CRIM1: variants seen among roughly 807,000 people sequenced by gnomAD.
CRIM1 encodes the protein cysteine rich transmembrane BMP regulator 1.
In CRIM1, 32 loss-of-function variants were observed where a neutral mutation model predicts 116.4. The observed-to-expected ratio is 0.27, with a 90% CI of 0.21 to 0.37. The LOEUF (loss-of-function observed/expected upper bound fraction) is 0.37, where lower values mean the gene tolerates loss of function less well. Among genes scored for constraint, CRIM1 ranks in the 10% least tolerant of loss-of-function variants. CRIM1 has a pLI of 1.00. For missense variants in CRIM1, 1,331 were observed against 1,354.8 expected, an observed-to-expected ratio of 0.98 and a Z score of 0.28; for synonymous variants, 590 against 509.2, an observed-to-expected ratio of 1.16 and a Z score of -2.13.
At chr2:36,523,676 C>T (rs1665567293) in intron 13 of CRIM1, among the ~76,000 whole-genome samples, 1 of 152,206 alleles carries the variant, frequency 6.6e-6, no homozygotes, top group South Asian at 2.1e-4. Flanking sequence ...ACTAATTGCA[C>T]ATTTATTGTT....
chr2:36,380,227 G>T (rs563410596), intron 1 of CRIM1, among the ~76,000 whole-genome samples: 2 of 152,192 alleles, frequency 1.3e-5, no homozygotes, highest in Non-Finnish European at 2.9e-5. Flanking sequence ...GCTGAAGTCT[G>T]CCTGTTCACC....
intron 5 of CRIM1, 26 bp from the exon 6 acceptor site, chr2:36,476,863 G>C: frequency 5.7e-6 from 9 of 1,579,460 alleles, no homozygotes; most frequent in Non-Finnish European, 7.8e-6. Context: ...CTACAAATAT[G>C]CCTTGTTTGT....
In CRIM1 at chr2:36,520,724, A is replaced by G. The variant is rs72866889; in HGVS notation, c.2207-1368A>G. On this transcript the variant is annotated intron_variant, in intron 12 of 16. Transcript: ENST00000280527. ...TGTCCCTCAGAGAAGGTCCACAATGAAGTAACTGCCTTGGTCCTCAAAAAG... is the reference window on the plus strand; with the variant it reads ...TGTCCCTCAGAGAAGGTCCACAATGGAGTAACTGCCTTGGTCCTCAAAAAG... 5.5e-3 allele frequency among the ~76,000 whole-genome samples: 830 copies of G among 152,272 alleles called. 9 individuals are homozygous for G. The highest frequency in any genetic ancestry group is 0.018 in the African/African-American group (756 of 41,546).
chr2:36,457,010 C>T (rs1274022543), intron 4 of CRIM1, among the ~76,000 whole-genome samples: 1 of 152,136 alleles, frequency 6.6e-6, no homozygotes, highest in African/African-American at 2.4e-5. Flanking sequence ...TTCCTTTCAA[C>T]TTAGCACCTT....
intron 2 of CRIM1, among the ~76,000 whole-genome samples, chr2:36,402,868 G>A (rs1442568606): frequency 6.6e-6 from 1 of 151,946 alleles, no homozygotes; most frequent in Non-Finnish European, 1.5e-5. Context: ...ATTTAGGAAG[G>A]ACCCAGGAGT....
At chr2:36,539,025 G>C (rs1666757144) in intron 14 of CRIM1, among the ~76,000 whole-genome samples, 1 of 152,216 alleles carries the variant, frequency 6.6e-6, no homozygotes, top group African/African-American at 2.4e-5. Flanking sequence ...CCAAATAGCA[G>C]TGCACACGGA....
intron 2 of CRIM1, among the ~76,000 whole-genome samples, chr2:36,414,898 G>C (rs1490810582): frequency 6.6e-6 from 1 of 152,182 alleles, no homozygotes; most frequent in Non-Finnish European, 1.5e-5. Context: ...AGGAATCCAT[G>C]AAAGAGTTTG....
chr2:36,492,927 G>A (rs946090571), intron 7 of CRIM1, among the ~76,000 whole-genome samples: 4 of 152,082 alleles, frequency 2.6e-5, no homozygotes, highest in Non-Finnish European at 5.9e-5. Flanking sequence ...AAGCATAATT[G>A]TTCATTTTTG....
intron 13 of CRIM1, among the ~76,000 whole-genome samples, chr2:36,526,224 T>A (rs1665749309): frequency 6.6e-6 from 1 of 152,218 alleles, no homozygotes; most frequent in Non-Finnish European, 1.5e-5. Context: ...ACATTCAAAC[T>A]TAGATTTTAT....
intron 7 of CRIM1, among the ~76,000 whole-genome samples, chr2:36,484,887 GT>G (rs1679701556): frequency 2.6e-5 from 4 of 152,314 alleles, no homozygotes; most frequent in Admixed American, 2.6e-4. Flanking sequence ...CAAATGGGTA[GT>G]TTCCCCTCTA....
intron 7 of CRIM1, among the ~76,000 whole-genome samples, chr2:36,480,873 A>G (rs1012334024): frequency 2.0e-5 from 3 of 152,104 alleles, no homozygotes; most frequent in African/African-American, 7.2e-5. Flanking sequence ...CCCATTCCCT[A>G]AAGGCAGCAT....
intron 6 of CRIM1, 83 bp from the exon 7 acceptor site, chr2:36,479,414 C>G: frequency 4.3e-6 from 6 of 1,392,502 alleles, no homozygotes; most frequent in Non-Finnish European, 5.0e-6. Context: ...GACTAGAACC[C>G]AGGGAAAAAA....
chr2:36,533,298 G>A (rs1666242650), intron 13 of CRIM1, among the ~76,000 whole-genome samples: 1 of 151,946 alleles, frequency 6.6e-6, no homozygotes, highest in African/African-American at 2.4e-5. Flanking sequence ...AAAGAAATGA[G>A]GATACTGAGC....
chr2:36,442,555 G>C, intron 3 of CRIM1, 60 bp from the exon 4 acceptor site: 1 of 1,605,158 alleles, frequency 6.2e-7, no homozygotes, highest in Non-Finnish European at 8.5e-7. Context: ...ATTTCATTTA[G>C]GGACTCCAAA....
chr2:36,424,220 A>C (rs1277039090), intron 2 of CRIM1, among the ~76,000 whole-genome samples: 1 of 152,202 alleles, frequency 6.6e-6, no homozygotes, highest in Non-Finnish European at 1.5e-5. Context: ...GTTGTGCATA[A>C]AGTCTACGAA....
intron 6 of CRIM1, among the ~76,000 whole-genome samples, chr2:36,478,341 G>A (rs1265267699): frequency 6.6e-6 from 1 of 152,146 alleles, no homozygotes; most frequent in Non-Finnish European, 1.5e-5. Context: ...CCCCCAGTCT[G>A]CAATAGTTCT....
At chr2:36,365,426 G>T (rs1283716749) in intron 1 of CRIM1, among the ~76,000 whole-genome samples, 1 of 152,206 alleles carries the variant, frequency 6.6e-6, no homozygotes, top group African/African-American at 2.4e-5. Context: ...TCTCACTGAG[G>T]TTACAGAAGG....
chr2:36,514,119 A>G (rs1664880689), intron 11 of CRIM1, among the ~76,000 whole-genome samples: 1 of 152,198 alleles, frequency 6.6e-6, no homozygotes, highest in Admixed American at 6.5e-5. Flanking sequence ...CCTCATTAAT[A>G]TGAGGGGATT....
intron 4 of CRIM1, among the ~76,000 whole-genome samples, chr2:36,449,031 C>T (rs570861940): frequency 2.9e-5 from 4 of 136,326 alleles, no homozygotes; most frequent in African/African-American, 1.1e-4. Flanking sequence ...ATTTTTTTGA[C>T]TTGTTTTTTT....
Sources: gnomAD v4.1 joint callset for allele counts (sites outside exome capture counted in the v4.1 genomes callset) on GRCh38, gnomAD v4.1.1 for gene constraint, MANE v1.5 for transcripts, NCBI Gene and HGNC (gene_info 2026-07-23, HGNC 2026-07-21) for gene names.